Variants in FOCAD observed in about 807,000 individuals in gnomAD.
FOCAD encodes the protein focadhesin.
In FOCAD, 198 loss-of-function variants were observed where a neutral mutation model predicts 225.6. That is an observed-to-expected ratio of 0.88 (90% CI 0.78 to 0.99). FOCAD has a LOEUF of 0.99. Among genes scored for constraint, FOCAD ranks in the 50% least tolerant of loss-of-function variants. FOCAD has a pLI of 0.00. For missense variants in FOCAD, 2,713 were observed against 2,123.6 expected (o/e 1.28, Z -5.46); for synonymous variants, 897 against 755.0 (o/e 1.19, Z -3.08).
chr9:20,865,496 G>GA (rs996513719), intron 16 of FOCAD, among the ~76,000 whole-genome samples: 13 of 151,840 alleles, frequency 8.6e-5, no homozygotes, highest in African/African-American at 2.4e-4. Flanking sequence ...TCTTTGAAAT[G>GA]AAAAAAACGC....
At chr9:20,703,662 A>C (rs1351554480) in intron 1 of FOCAD, among the ~76,000 whole-genome samples, 1 of 151,744 alleles carries the variant, frequency 6.6e-6, no homozygotes, top group African/African-American at 2.4e-5. Context: ...CAATTTTTCT[A>C]CTTCATTACT....
chr9:20,740,038 T>A (rs1003337555), intron 4 of FOCAD, among the ~76,000 whole-genome samples, 198 bp from the exon 5 acceptor site: 30 of 152,286 alleles, frequency 2.0e-4, no homozygotes, highest in African/African-American at 6.3e-4. Flanking sequence ...GTGGTTTGAT[T>A]CTTTAGCTCC....
intron 1 of FOCAD, among the ~76,000 whole-genome samples, chr9:20,701,047 G>C (rs1312300623): frequency 6.6e-6 from 1 of 152,200 alleles, no homozygotes; most frequent in Non-Finnish European, 1.5e-5. Context: ...CCTTCAGAAT[G>C]AGACAAGAAT....
chr9:20,789,989 A>T (rs1022576004), intron 11 of FOCAD, among the ~76,000 whole-genome samples: 9 of 152,220 alleles, frequency 5.9e-5, no homozygotes, highest in African/African-American at 2.2e-4. Flanking sequence ...TAATCAATTC[A>T]GGATAAGGGA....
intron 15 of FOCAD, among the ~76,000 whole-genome samples, chr9:20,844,414 G>A (rs1826873231): frequency 8.5e-6 from 1 of 118,128 alleles, no homozygotes; most frequent in Admixed American, 1.2e-4. Flanking sequence ...AGGCTGGAAT[G>A]CAGTGGTGTG....
At chr9:20,919,404 G>C (rs1480309784) in intron 24 of FOCAD, among the ~76,000 whole-genome samples, 2 of 152,152 alleles carry the variant, frequency 1.3e-5, no homozygotes, top group African/African-American at 2.4e-5. Context: ...GTAATTTATA[G>C]ATTCAATGCC....
intron 21 of FOCAD, among the ~76,000 whole-genome samples, chr9:20,900,626 A>C (rs1832476131): frequency 6.6e-6 from 1 of 151,954 alleles, no homozygotes; most frequent in African/African-American, 2.4e-5. Flanking sequence ...AATATGAAAC[A>C]ATTAGGTGAA....
At chr9:20,883,780 G>T (rs1830877533) in intron 20 of FOCAD, among the ~76,000 whole-genome samples, 1 of 151,988 alleles carries the variant, frequency 6.6e-6, no homozygotes, top group Non-Finnish European at 1.5e-5. Flanking sequence ...TCCCCTCTAG[G>T]GAAATTCACA....
chr9:20,904,102 G>T (rs1445542980), intron 21 of FOCAD, among the ~76,000 whole-genome samples: 1 of 151,880 alleles, frequency 6.6e-6, no homozygotes, highest in African/African-American at 2.4e-5. Context: ...TTCTTTTTGT[G>T]ACTGAATAAT....
At chr9:20,934,246 A>G (rs1304599984) in intron 28 of FOCAD, among the ~76,000 whole-genome samples, 1 of 151,976 alleles carries the variant, frequency 6.6e-6, no homozygotes, top group Non-Finnish European at 1.5e-5. Flanking sequence ...TTTTAACTGC[A>G]TTTGCTTTTT....
In FOCAD at chr9:20,926,322, A is replaced by G. The variant is rs765657638; in HGVS notation, c.2983A>G (p.Met995Val). The G allele has an allele frequency of 1.5e-5, 24 of 1,611,682 alleles. No individual in the cohort carries two copies. Among genetic ancestry groups the G allele is most frequent in the East Asian group, 2.2e-5 (1 of 44,874 alleles). The change falls in exon 26 of 44, where the codon ATG (methionine) becomes GTG (valine). Residue 995 changes from methionine (M) to valine (V), a missense_variant. Transcript: ENST00000338382. ...LLEVQPNFLS[M>V]KEWVSMVLDT... The stretch of plus-strand genomic sequence containing the variant: ...GCAGGTTCAACCTAATTTCCTTTCA[A>G]TGAAAGAGTGGGTTTCCATGGTACT...
chr9:20,981,721 T>A, intron 38 of FOCAD, 35 bp downstream of exon 38: 1 of 1,582,190 alleles, frequency 6.3e-7, no homozygotes, highest in Non-Finnish European at 8.6e-7. Context: ...CCTGACAATT[T>A]ATGTTTGGGA....
chr9:20,762,390 T>C (rs1423534610), intron 6 of FOCAD, among the ~76,000 whole-genome samples: 1 of 152,220 alleles, frequency 6.6e-6, no homozygotes, highest in African/African-American at 2.4e-5. Context: ...GTATTTGAGC[T>C]TATGATAAAA....
chr9:20,730,579 G>A (rs1826602259), intron 4 of FOCAD, among the ~76,000 whole-genome samples: 1 of 152,202 alleles, frequency 6.6e-6, no homozygotes, highest in South Asian at 2.1e-4. Context: ...AGAGAGGAGG[G>A]TGGAATTTAC....
At position 20,726,387 on chromosome 9, in the gene FOCAD, A is replaced by G. The variant is rs568459031; in HGVS notation, c.287+5853A>G. 3.3e-5 allele frequency: 5 copies of G among 152,274 alleles called. No individual in the cohort carries two copies. In the South Asian group the frequency reaches 8.3e-4, roughly 25 times the overall value. 9.4% of individuals were successfully genotyped at this position (152,274 alleles called of 1,614,324 possible). On this transcript the variant is annotated intron_variant, in intron 4 of 43. Coordinates refer to ENST00000338382, the MANE Select transcript of FOCAD (RefSeq NM_001375567.1). ...ATACTGAGGTGTCATGACAGCCTGTAATTTCAGCTCAACTGCTTCCCCCAT... is the reference window on the plus strand; with the variant it reads ...ATACTGAGGTGTCATGACAGCCTGTGATTTCAGCTCAACTGCTTCCCCCAT...
rs538068237 is a variant in FOCAD, at chr9:20,870,907, A to G, written c.2191-3774A>G. Among the ~76,000 whole-genome samples the G allele has an allele frequency of 4.7e-4, 72 of 152,306 alleles. 1 individual carries two copies. Among genetic ancestry groups the G allele is most frequent in the Non-Finnish European group, 7.5e-4 (51 of 68,020 alleles). ...CTATATTCAATTTGAAGCAAGTTTT[A>G]AAAGTAAATTATCAGCTGAGTGTGG... On this transcript the variant is annotated intron_variant, in intron 18 of 43. Coordinates refer to ENST00000338382, the MANE Select transcript of FOCAD (RefSeq NM_001375567.1).
chr9:20,689,658 A>G (rs1015212883), intron 1 of FOCAD, among the ~76,000 whole-genome samples: 1 of 152,150 alleles, frequency 6.6e-6, no homozygotes, highest in South Asian at 2.1e-4. Flanking sequence ...CTTGGGAAGG[A>G]GTGAGAGAGC....
At chr9:20,714,701 T>TTCCTTC (rs1291249811) in intron 1 of FOCAD, among the ~76,000 whole-genome samples, 1 of 151,282 alleles carries the variant, frequency 6.6e-6, no homozygotes, top group African/African-American at 2.4e-5. Context: ...CCTTCCTTCC[T>TTCCTTC]CTCTCTTTCT....
upstream of FOCAD, among the ~76,000 whole-genome samples, chr9:20,658,044 G>A (rs879368268): frequency 3.3e-3 from 485 of 146,690 alleles, 1 homozygote; most frequent in Non-Finnish European, 5.1e-3. Context: ...GCCATGTGAG[G>A]TGTCAGTGTG....
Sources: gnomAD v4.1 joint callset for allele counts (sites outside exome capture counted in the v4.1 genomes callset) on GRCh38, gnomAD v4.1.1 for gene constraint, MANE v1.5 for transcripts, NCBI Gene and HGNC (gene_info 2026-07-23, HGNC 2026-07-21) for gene names.